The following BLTP3B variants were observed in gnomAD, a reference collection of about 807,000 sequenced individuals.
BLTP3B encodes bridge-like lipid transfer protein family member 3B, also known as UHRF1 (ICBP90) binding protein 1-like.
At chr12:100,141,081 G>A in the BLTP3B span, among the ~76,000 whole-genome samples, 4 of 151,832 alleles carry the variant, frequency 2.6e-5, no homozygotes, top group African/African-American at 7.3e-5. Flanking sequence ...TGAGAAAGGC[G>A]GGAGGACATA....
chr12:100,102,043 G>A, the BLTP3B span, among the ~76,000 whole-genome samples: 3 of 151,566 alleles, frequency 2.0e-5, no homozygotes, highest in Admixed American at 1.3e-4. Flanking sequence ...CAGGTGATCC[G>A]CCCACCTCAG....
chr12:100,125,045 A>T, the BLTP3B span, among the ~76,000 whole-genome samples: 1 of 141,786 alleles, frequency 7.1e-6, no homozygotes, highest in East Asian at 2.2e-4. Flanking sequence ...AAATCTGGGC[A>T]TTGAGGCCGG....
chr12:100,084,673 AC>A, the BLTP3B span: 1 of 1,606,676 alleles, frequency 6.2e-7, no homozygotes, highest in East Asian at 2.2e-5. Flanking sequence ...AAAATGAACA[AC>A]AGGTATTTCA....
At chr12:100,060,573 G>A in the BLTP3B span, among the ~76,000 whole-genome samples, 4,979 of 152,168 alleles carry the variant, frequency 0.033, 473 homozygotes, top group East Asian at 0.36. Flanking sequence ...AGGAGGGACC[G>A]TGCATAAATT....
the BLTP3B span, among the ~76,000 whole-genome samples, chr12:100,135,401 T>G: frequency 1.3e-5 from 2 of 151,932 alleles, no homozygotes; most frequent in Admixed American, 6.6e-5. Flanking sequence ...CTCTAGTAGC[T>G]GAGACTACAG....
the BLTP3B span, among the ~76,000 whole-genome samples, chr12:100,076,526 T>TG: frequency 2.0e-5 from 3 of 151,930 alleles, no homozygotes; most frequent in Non-Finnish European, 2.9e-5. Flanking sequence ...CCCAAGTAGC[T>TG]GGGACTATAG....
At chr12:100,070,428 T>C in the BLTP3B span, among the ~76,000 whole-genome samples, 1 of 151,998 alleles carries the variant, frequency 6.6e-6, no homozygotes, top group Non-Finnish European at 1.5e-5. Context: ...CACGGCTAAT[T>C]TGGCATTTTT....
the BLTP3B span, among the ~76,000 whole-genome samples, chr12:100,070,437 T>G: frequency 6.6e-6 from 1 of 152,054 alleles, no homozygotes; most frequent in African/African-American, 2.4e-5. Flanking sequence ...TTTGGCATTT[T>G]TAGTAGACGG....
At chr12:100,080,231 A>G in the BLTP3B span, among the ~76,000 whole-genome samples, 38,111 of 152,110 alleles carry the variant, frequency 0.25, 8,420 homozygotes, top group African/African-American at 0.6. Flanking sequence ...ACCTTGCACC[A>G]TGTGCCTGGA....
the BLTP3B span, among the ~76,000 whole-genome samples, chr12:100,093,870 G>A: frequency 1.3e-5 from 2 of 152,216 alleles, no homozygotes; most frequent in Admixed American, 6.5e-5. Flanking sequence ...AAAATATCAT[G>A]ATCTTTAAAA....
the BLTP3B span, among the ~76,000 whole-genome samples, chr12:100,044,012 T>C: frequency 6.6e-6 from 1 of 152,174 alleles, no homozygotes; most frequent in Non-Finnish European, 1.5e-5. Flanking sequence ...ACTATATATA[T>C]GTGGTTCAGT....
At chr12:100,050,174 G>A in the BLTP3B span, 2 of 1,502,418 alleles carry the variant, frequency 1.3e-6, no homozygotes, top group South Asian at 1.4e-5. Context: ...TTACCAACTG[G>A]ACGATTACAA....
the BLTP3B span, among the ~76,000 whole-genome samples, chr12:100,074,177 C>CA: frequency 6.6e-6 from 1 of 152,000 alleles, no homozygotes; most frequent in Non-Finnish European, 1.5e-5. Flanking sequence ...TTTCAGGATA[C>CA]AAAATCAATG....
the BLTP3B span, among the ~76,000 whole-genome samples, chr12:100,133,622 C>A: frequency 4.6e-5 from 7 of 152,152 alleles, no homozygotes; most frequent in African/African-American, 1.7e-4. Flanking sequence ...AGACCTTGGA[C>A]AAGTCACAAA....
the BLTP3B span, among the ~76,000 whole-genome samples, chr12:100,049,330 A>G: frequency 6.6e-6 from 1 of 152,226 alleles, no homozygotes; most frequent in African/African-American, 2.4e-5. Flanking sequence ...ACAGGTCCTC[A>G]TAAGAAGACT....
chr12:100,119,667 G>A, the BLTP3B span, among the ~76,000 whole-genome samples: 1 of 151,796 alleles, frequency 6.6e-6, no homozygotes, highest in Non-Finnish European at 1.5e-5. Context: ...TCCAACAAAG[G>A]TGCAAAAACA....
chr12:100,116,315 A>G, the BLTP3B span, among the ~76,000 whole-genome samples: 8 of 151,918 alleles, frequency 5.3e-5, no homozygotes, highest in Non-Finnish European at 1.0e-4. Flanking sequence ...TTAGCTAAGC[A>G]TAGTGGCAGG....
chr12:100,086,221 G>T, the BLTP3B span: 4 of 1,108,902 alleles, frequency 3.6e-6, no homozygotes, highest in Non-Finnish European at 4.9e-6. Flanking sequence ...AAATAAATTA[G>T]CTATATAATT....
At chr12:100,103,946 T>C in the BLTP3B span, 12 of 1,598,926 alleles carry the variant, frequency 7.5e-6, no homozygotes, top group African/African-American at 8.1e-5. Context: ...GTTTTGTCCA[T>C]GGGATCTACA....
Sources: allele counts gnomAD v4.1 joint callset (sites outside exome capture counted in the v4.1 genomes callset), GRCh38; gene constraint gnomAD v4.1.1; transcripts MANE v1.5; gene names NCBI Gene and HGNC (gene_info 2026-07-23, HGNC 2026-07-21).